Variants in LINGO2 observed in about 807,000 individuals in gnomAD.
The protein encoded by LINGO2 is leucine rich repeat and Ig domain containing 2.
A neutral mutation model predicts 30.6 loss-of-function variants in LINGO2; 14 were observed. The ratio of observed to expected loss-of-function variants is 0.46; its 90% CI spans 0.30 to 0.72. The LOEUF is 0.72. LINGO2 is among the 30% of genes least tolerant of loss of function. LINGO2 has a pLI of 0.07. For missense variants in LINGO2, 729 were observed against 751.7 expected (o/e 0.97, Z 0.35); for synonymous variants, 317 against 288.5 (o/e 1.10, Z -1.00).
At chr9:28,928,935 C>T in the LINGO2 span, among the ~76,000 whole-genome samples, 1,090 of 152,076 alleles carry the variant, frequency 7.2e-3, 9 homozygotes, top group African/African-American at 0.025. Flanking sequence ...GACTGCAAAA[C>T]GGAAACAGCA....
At chr9:29,113,353 G>A in the LINGO2 span, among the ~76,000 whole-genome samples, 1 of 152,150 alleles carries the variant, frequency 6.6e-6, no homozygotes, top group Non-Finnish European at 1.5e-5. Context: ...ACAGTGTATA[G>A]GGACAATGGC....
the LINGO2 span, among the ~76,000 whole-genome samples, chr9:28,856,349 T>C: frequency 6.6e-6 from 1 of 151,946 alleles, no homozygotes; most frequent in Non-Finnish European, 1.5e-5. Context: ...AAATAATGAT[T>C]CCCTCTCTCA....
the LINGO2 span, among the ~76,000 whole-genome samples, chr9:28,725,061 C>T: frequency 2.6e-5 from 4 of 151,812 alleles, no homozygotes; most frequent in Non-Finnish European, 5.9e-5. Flanking sequence ...TAAATCTACA[C>T]CTGAAAAAAA....
At chr9:28,807,514 T>C in the LINGO2 span, among the ~76,000 whole-genome samples, 1 of 152,222 alleles carries the variant, frequency 6.6e-6, no homozygotes, top group Non-Finnish European at 1.5e-5. Flanking sequence ...CTGGTCTTGT[T>C]TTGGTAGACC....
At chr9:28,301,552 C>T (rs1439447006) in intron 3 of LINGO2, among the ~76,000 whole-genome samples, 1 of 152,098 alleles carries the variant, frequency 6.6e-6, no homozygotes, top group East Asian at 1.9e-4. Flanking sequence ...GATGACACTT[C>T]CCTAGATTAC....
At chr9:28,119,665 C>T (rs1827036178) in intron 4 of LINGO2, among the ~76,000 whole-genome samples, 2 of 152,206 alleles carry the variant, frequency 1.3e-5, no homozygotes, top group South Asian at 4.1e-4. Flanking sequence ...AGTTACTCCC[C>T]TCTCCAGATT....
the LINGO2 span, among the ~76,000 whole-genome samples, chr9:29,143,948 T>C: frequency 0.13 from 20,019 of 152,162 alleles, 1,543 homozygotes; most frequent in South Asian, 0.17. Flanking sequence ...TTATTGTATA[T>C]GGTATAAGGA....
intron 4 of LINGO2, among the ~76,000 whole-genome samples, chr9:28,137,363 G>C (rs1349638): frequency 6.6e-6 from 1 of 151,940 alleles, no homozygotes; most frequent in Non-Finnish European, 1.5e-5. Flanking sequence ...ACTTAATTCT[G>C]TGCAGCAAGA....
chr9:28,311,110 C>T (rs1433265482), intron 3 of LINGO2, among the ~76,000 whole-genome samples: 2 of 151,910 alleles, frequency 1.3e-5, no homozygotes, highest in African/African-American at 4.8e-5. Flanking sequence ...GCTGGATGTC[C>T]GGGGGAGACA....
chr9:29,120,160 G>A, the LINGO2 span, among the ~76,000 whole-genome samples: 8 of 152,138 alleles, frequency 5.3e-5, no homozygotes, highest in African/African-American at 1.7e-4. Context: ...TTTTCGCTTG[G>A]AGACATCCAT....
chr9:28,156,088 G>A (rs1212802704), intron 4 of LINGO2, among the ~76,000 whole-genome samples: 4 of 152,162 alleles, frequency 2.6e-5, no homozygotes, highest in Non-Finnish European at 4.4e-5. Context: ...CACTGCAATA[G>A]AAAAGATCAT....
At chr9:28,573,044 T>G (rs1823779094) in intron 1 of LINGO2, among the ~76,000 whole-genome samples, 1 of 152,130 alleles carries the variant, frequency 6.6e-6, no homozygotes. Flanking sequence ...CTGTGGCAAG[T>G]TTTTCAATAT....
At chr9:28,824,751 A>G in the LINGO2 span, among the ~76,000 whole-genome samples, 1 of 152,172 alleles carries the variant, frequency 6.6e-6, no homozygotes, top group Admixed American at 6.6e-5. Context: ...TCTCATCACA[A>G]GACCCAGTAT....
At chr9:28,314,502 A>C (rs987156446) in intron 3 of LINGO2, among the ~76,000 whole-genome samples, 2 of 152,154 alleles carry the variant, frequency 1.3e-5, no homozygotes, top group Non-Finnish European at 2.9e-5. Flanking sequence ...TCTGTGTTCA[A>C]GGCACCGAGT....
chr9:28,166,471 T>C (rs918125114), intron 4 of LINGO2, among the ~76,000 whole-genome samples: 3 of 152,242 alleles, frequency 2.0e-5, no homozygotes, highest in African/African-American at 4.8e-5. Context: ...GGAGGGATGA[T>C]CTTTTTGTTT....
chr9:28,309,340 C>A (rs1824510099), intron 3 of LINGO2, among the ~76,000 whole-genome samples: 2 of 151,630 alleles, frequency 1.3e-5, no homozygotes, highest in African/African-American at 4.9e-5. Flanking sequence ...GTACAAAAAA[C>A]CAAACACCGC....
At chr9:28,102,177 ATT>A (rs11347345) in intron 4 of LINGO2, among the ~76,000 whole-genome samples, 60 of 148,876 alleles carry the variant, frequency 4.0e-4, no homozygotes, top group African/African-American at 8.8e-4. Context: ...GAAAGGCTGT[ATT>A]TTTTTTTTTT....
the LINGO2 span, among the ~76,000 whole-genome samples, chr9:29,000,259 A>G: frequency 2.0e-5 from 3 of 151,796 alleles, no homozygotes; most frequent in Non-Finnish European, 4.4e-5. Flanking sequence ...ACCCCTTATT[A>G]TGTGCTTATT....
chr9:28,512,469 C>T (rs10118397), intron 1 of LINGO2, among the ~76,000 whole-genome samples: 37,506 of 150,906 alleles, frequency 0.25, 4,782 homozygotes, highest in South Asian at 0.35. Context: ...GCCCAAGTGG[C>T]AGAGCAGCTT....
Sources: gnomAD v4.1 joint callset for allele counts (sites outside exome capture counted in the v4.1 genomes callset) on GRCh38, gnomAD v4.1.1 for gene constraint, MANE v1.5 for transcripts, NCBI Gene and HGNC (gene_info 2026-07-23, HGNC 2026-07-21) for gene names.